NRSN1: variants seen among roughly 807,000 people sequenced by gnomAD.
NRSN1 encodes the protein neurensin-1.
NRSN1 carries 14 observed loss-of-function variants against 17.3 expected under a neutral mutation model. That is an observed-to-expected ratio of 0.81 (90% CI 0.54 to 1.27). The LOEUF (loss-of-function observed/expected upper bound fraction) is 1.27. Among genes scored for constraint, NRSN1 ranks in the 50% most tolerant of loss-of-function variants. The pLI is 0.00. For missense variants in NRSN1, 209 were observed against 235.9 expected, an observed-to-expected ratio of 0.89 and a Z score of 0.75; for synonymous variants, 79 against 94.2, an observed-to-expected ratio of 0.84 and a Z score of 0.93.
chr6:24,145,054 AAT>A lies in NRSN1; in HGVS notation c.190-487_190-486del, dbSNP rs1313034355. ...TAGATATATGATATATATTATATAT[AAT>A]ATATATCTTTAGGTATATAATATAT... On this transcript the variant is annotated intron_variant, in intron 3 of 3. Transcript: ENST00000378491. The surrounding 1 kb of genome is among the most constrained non-coding windows in gnomAD (Gnocchi z 4.4). Among the ~76,000 whole-genome samples the A allele has an allele frequency of 2.5e-5, 3 of 121,712 alleles. No individual in the cohort carries two copies. Among genetic ancestry groups the A allele is most frequent in the Admixed American group, 8.4e-5 (1 of 11,842 alleles). 79.8% of individuals were successfully genotyped at this position (121,712 alleles called of 152,430 possible).
chr6:24,138,788 T>C (rs1445065182), intron 3 of NRSN1, among the ~76,000 whole-genome samples: 1 of 152,196 alleles, frequency 6.6e-6, no homozygotes, highest in Non-Finnish European at 1.5e-5. Flanking sequence ...AAAGTTTTGC[T>C]AGATACTGAG....
rs1380817900 is a variant in NRSN1, at chr6:24,142,703, T to C, written c.190-2845T>C. Among the ~76,000 whole-genome samples, 3 of 152,072 alleles carry C rather than the reference T, an allele frequency of 2.0e-5. No individual in the cohort carries two copies. The East Asian group carries it at 5.8e-4, about 29-fold the overall frequency. ...TGTGTCCAGAAGTGGTTCCTCCCGG[T>C]GGATTTCTGGTCTCTCTGACTTCAA... On this transcript the variant is annotated intron_variant, in intron 3 of 3. Transcript: ENST00000378491.
chr6:24,139,467 A>T (rs1760167736), intron 3 of NRSN1, among the ~76,000 whole-genome samples: 1 of 152,222 alleles, frequency 6.6e-6, no homozygotes, highest in Admixed American at 6.5e-5. Context: ...TTTAATATCC[A>T]CCACTATGAC....
chr6:24,126,926 G>A (rs868774957), intron 1 of NRSN1, among the ~76,000 whole-genome samples: 1 of 147,042 alleles, frequency 6.8e-6, no homozygotes, highest in South Asian at 2.1e-4. Context: ...ATGTTTGTTT[G>A]ATTGGTTCCT....
chr6:24,143,833 A>C (rs1369628832), intron 3 of NRSN1, among the ~76,000 whole-genome samples: 1 of 152,244 alleles, frequency 6.6e-6, no homozygotes, highest in Non-Finnish European at 1.5e-5. Context: ...TTTTATGGAT[A>C]GTCTCATTTA....
At chr6:24,134,079 T>G (rs1345232289) in intron 2 of NRSN1, among the ~76,000 whole-genome samples, 1 of 151,188 alleles carries the variant, frequency 6.6e-6, no homozygotes, top group African/African-American at 2.4e-5. Context: ...TTAGCCAGGA[T>G]GGTCTCCATC....
chr6:24,145,498 C>A lies in NRSN1; in HGVS notation c.190-50C>A. ...CTGCCCTTGAGGGCTCAGGGGCGAG[C>A]CGAAGCACCTTCCTCACTCTATCTT... On this transcript the variant is annotated intron_variant, in intron 3 of 3. Coordinates refer to ENST00000378491, the MANE Select transcript of NRSN1 (RefSeq NM_080723.5). The surrounding 1 kb of genome is among the most constrained non-coding windows in gnomAD (Gnocchi z 4.4). 6.8e-7 allele frequency: 1 copy of A among 1,463,540 alleles called. No homozygotes were observed. 90.7% of individuals were successfully genotyped at this position (1,463,540 alleles called of 1,614,324 possible).
intron 3 of NRSN1, among the ~76,000 whole-genome samples, chr6:24,143,007 A>T (rs553830382): frequency 6.6e-6 from 1 of 152,226 alleles, no homozygotes; most frequent in African/African-American, 2.4e-5. Flanking sequence ...TTAGCTAGAC[A>T]CAGAGCGCTG....
intron 3 of NRSN1, among the ~76,000 whole-genome samples, chr6:24,144,329 CTGTCCA>C (rs1450279012): frequency 2.0e-5 from 3 of 152,316 alleles, no homozygotes; most frequent in Admixed American, 2.0e-4. Flanking sequence ...GTTACAAAGA[CTGTCCA>C]TGTCCTCCAG....
At position 24,126,300 on chromosome 6, in the gene NRSN1, G is replaced by A. The variant is rs1759946983; in HGVS notation, c.-123G>A. On this transcript the variant is annotated 5_prime_UTR_variant, in exon 1 of 4. The change abolishes the stop of an existing upstream ORF in the 5' untranslated region. Transcript: ENST00000378491. ...GACCCCAGCGAGAGATCTGCAGCTA[G>A]GCTGGCTGCACTTGCTCCACGGGTC... 1 of 169,862 alleles carries A rather than the reference G, an allele frequency of 5.9e-6. No homozygotes were observed. The highest frequency in any genetic ancestry group is 1.2e-5 in the Non-Finnish European group (1 of 80,720). The allele number at this position is 169,862 out of a possible 1,614,324, so 10.5% of individuals were successfully genotyped here.
intron 1 of NRSN1, among the ~76,000 whole-genome samples, chr6:24,127,075 A>G (rs938950935): frequency 2.6e-5 from 4 of 152,158 alleles, no homozygotes; most frequent in Admixed American, 2.6e-4. Context: ...AATGTAATTC[A>G]GAGAGGCAGA....
chr6:24,143,489 C>T (rs774270702), intron 3 of NRSN1, among the ~76,000 whole-genome samples: 6 of 152,230 alleles, frequency 3.9e-5, no homozygotes, highest in East Asian at 3.9e-4. Context: ...TTTGTGGATA[C>T]GTTTTCCTTC....
intron 2 of NRSN1, among the ~76,000 whole-genome samples, 154 bp from the exon 3 acceptor site, chr6:24,134,163 CAA>C (rs980512793): frequency 3.9e-5 from 6 of 152,138 alleles, no homozygotes; most frequent in African/African-American, 1.4e-4. Context: ...TGCGCCCCGC[CAA>C]GAGAGAGGGG....
chr6:24,127,018 G>A (rs1759960371), intron 1 of NRSN1, among the ~76,000 whole-genome samples: 1 of 152,146 alleles, frequency 6.6e-6, no homozygotes, highest in African/African-American at 2.4e-5. Context: ...AAGGGCATGT[G>A]GGGAATCTTC....
chr6:24,142,579 A>G (rs1227221506), intron 3 of NRSN1, among the ~76,000 whole-genome samples: 1 of 151,650 alleles, frequency 6.6e-6, no homozygotes, highest in Non-Finnish European at 1.5e-5. Flanking sequence ...CCTGCCTCAG[A>G]CTCCCAAGTA....
rs1760326611 is a variant in NRSN1 at position 24,147,451 on chromosome 6, A to G, written c.*1505A>G. ...CTTCAGTGTGGTTATTTTCTCTCCA[A>G]CATGTAATTTTCCATTCTGAGACTG... On this transcript the variant is annotated 3_prime_UTR_variant, in exon 4 of 4. Coordinates refer to ENST00000378491, the MANE Select transcript of NRSN1 (RefSeq NM_080723.5). The G allele has an allele frequency of 6.6e-6, 1 of 151,720 alleles. No homozygotes were observed. Among genetic ancestry groups the G allele is most frequent in the Non-Finnish European group, 1.5e-5 (1 of 67,996 alleles). The allele number at this position is 151,720 out of a possible 1,614,324, so 9.4% of individuals were successfully genotyped here. A position where few individuals can be genotyped will look rare whatever the true frequency, so the allele number is the denominator to read the frequency against.
intron 3 of NRSN1, 86 bp downstream of exon 3, chr6:24,134,602 T>G: frequency 9.4e-7 from 1 of 1,063,826 alleles, no homozygotes. Context: ...TGGAGAGGTT[T>G]AGTACTCGCT....
chr6:24,136,834 G>C (rs146491935), intron 3 of NRSN1, among the ~76,000 whole-genome samples: 121 of 152,196 alleles, frequency 8.0e-4, no homozygotes, highest in African/African-American at 2.7e-3. Context: ...GTATACCTTA[G>C]CCACAAAACA....
At chr6:24,140,072 G>A (rs1561867295) in intron 3 of NRSN1, among the ~76,000 whole-genome samples, 2 of 152,200 alleles carry the variant, frequency 1.3e-5, no homozygotes, top group Admixed American at 6.5e-5. Context: ...TTTCAAGAAA[G>A]TATAAGTGTT....
Sources: allele counts gnomAD v4.1 joint callset (sites outside exome capture counted in the v4.1 genomes callset), GRCh38; gene constraint gnomAD v4.1.1; non-coding constraint Gnocchi (gnomAD v3.1); transcripts MANE v1.5; gene names NCBI Gene and HGNC (gene_info 2026-07-23, HGNC 2026-07-21).